Variants in PSPC1 observed in about 807,000 individuals in gnomAD.
PSPC1 encodes the protein paraspeckle component 1.
PSPC1 carries 14 observed loss-of-function variants against 51.6 expected under a neutral mutation model. The observed-to-expected ratio is 0.27, with a 90% confidence interval of 0.18 to 0.42. The LOEUF (loss-of-function observed/expected upper bound fraction) is 0.42. PSPC1 is among the 10% of genes least tolerant of loss of function. PSPC1 has a pLI of 1.00. For synonymous variants in PSPC1, 193 were observed against 231.9 expected (o/e 0.83, Z 1.53); for missense variants, 406 against 701.1 (o/e 0.58, Z 4.75).
At chr13:19,722,257 G>A (rs540436343) in intron 6 of PSPC1, among the ~76,000 whole-genome samples, 1 of 152,054 alleles carries the variant, frequency 6.6e-6, no homozygotes, top group African/African-American at 2.4e-5. Flanking sequence ...AGCACTTTGG[G>A]AGGCAGAGGC....
At chr13:19,723,653 C>A (rs1402699582) in intron 6 of PSPC1, among the ~76,000 whole-genome samples, 3 of 152,080 alleles carry the variant, frequency 2.0e-5, no homozygotes. Flanking sequence ...TACCTTCAAC[C>A]AATTATCCCA....
At chr13:19,780,298 C>T (rs1379024776) in intron 1 of PSPC1, among the ~76,000 whole-genome samples, 5 of 140,246 alleles carry the variant, frequency 3.6e-5, no homozygotes, top group East Asian at 2.3e-4. Context: ...GCCACCACCC[C>T]GTCTGGGAGG....
intron 6 of PSPC1, among the ~76,000 whole-genome samples, chr13:19,690,325 A>T (rs1878404173): frequency 6.6e-6 from 1 of 152,234 alleles, no homozygotes; most frequent in Non-Finnish European, 1.5e-5. Flanking sequence ...TATATGGATA[A>T]TCACATCAAC....
At chr13:19,776,127 T>C (rs1193896640) in intron 1 of PSPC1, among the ~76,000 whole-genome samples, 2 of 152,132 alleles carry the variant, frequency 1.3e-5, no homozygotes, top group Non-Finnish European at 2.9e-5. Context: ...TATATTTTGA[T>C]AGGGGTTTGA....
chr13:19,755,111 G>C (rs1276899859), intron 3 of PSPC1, among the ~76,000 whole-genome samples: 1 of 152,004 alleles, frequency 6.6e-6, no homozygotes, highest in Admixed American at 6.6e-5. Flanking sequence ...GCCCACATCT[G>C]TAGTCCCAGC....
Position 19,782,272 on chromosome 13 carries a change from C to T in PSPC1, c.372+114G>A. 7.1e-7 allele frequency: 1 copy of T among 1,409,380 alleles called. No individual in the cohort carries two copies. The highest frequency in any genetic ancestry group is 9.3e-7 in the Non-Finnish European group (1 of 1,079,192). The allele number at this position is 1,409,380 out of a possible 1,614,324, so 87.3% of individuals were successfully genotyped here. On this transcript the variant is annotated intron_variant, in intron 1 of 8. Coordinates refer to ENST00000338910, the MANE Select transcript of PSPC1 (RefSeq NM_001354909.2). This position sits in a 1 kb window ranked among gnomAD's most constrained non-coding sequence, Gnocchi z 4.5. Reference sequence around the variant, plus strand: ...GAGGAATCGATGAGGCCGAGCGGCGCCACGGTTGCCACAGGTTGAGACAGC... The same window carrying T: ...GAGGAATCGATGAGGCCGAGCGGCGTCACGGTTGCCACAGGTTGAGACAGC...
intron 3 of PSPC1, among the ~76,000 whole-genome samples, chr13:19,757,040 G>C (rs527626163): frequency 6.6e-6 from 1 of 151,490 alleles, no homozygotes; most frequent in South Asian, 2.1e-4. Flanking sequence ...TGAGGCAGGC[G>C]AATTGCTTGA....
chr13:19,749,855 A>G lies in PSPC1; in HGVS notation c.967+1416T>C, dbSNP rs184261902. ...ATAAATGAATTCAATTTTGTTAGAA[A>G]AGTGAACTTATAGAACTACCAAGCT... is the stretch of plus-strand genomic sequence containing the variant. On this transcript the variant is annotated intron_variant, in intron 4 of 8. Transcript: ENST00000338910. 4.6e-3 allele frequency among the ~76,000 whole-genome samples: 705 copies of G among 152,214 alleles called. 5 individuals are homozygous for G. The highest frequency in any genetic ancestry group is 0.027 in the South Asian group (128 of 4,822).
At chr13:19,746,315 T>C (rs1885974387) in intron 4 of PSPC1, among the ~76,000 whole-genome samples, 1 of 151,436 alleles carries the variant, frequency 6.6e-6, no homozygotes, top group Non-Finnish European at 1.5e-5. Flanking sequence ...GGCAGGAGAA[T>C]CACTTGAAAC....
chr13:19,737,775 T>C lies in PSPC1; in HGVS notation c.1052+3790A>G, dbSNP rs185799232. Among the ~76,000 whole-genome samples the C allele has an allele frequency of 4.6e-4, 70 of 152,062 alleles. 1 individual carries two copies. The highest frequency in any genetic ancestry group is 8.7e-4 in the African/African-American group (36 of 41,466). ...TACTGAAGCTTCTAGGGCCTCTCAG[T>C]AGAAAAAGCCATAAAATACAGCATA... On this transcript the variant is annotated intron_variant, in intron 5 of 8. Transcript: ENST00000338910.
At position 19,692,446 on chromosome 13, in the gene PSPC1, G is replaced by A. The variant is rs549608927; in HGVS notation, c.1159-14623C>T. The stretch of plus-strand genomic sequence containing the variant: ...CTTGTTTTAGAATGATGCATTTTGT[G>A]GAGAATAAGTTGCAAGAGCAAAAGT... On this transcript the variant is annotated intron_variant and NMD_transcript_variant, in intron 6 of 7. Coordinates refer to the PSPC1 transcript ENST00000471658. 3.9e-5 allele frequency among the ~76,000 whole-genome samples: 6 copies of A among 152,230 alleles called. No individual in the cohort carries two copies. The South Asian group carries it at 1.2e-3, about 32-fold the overall frequency.
chr13:19,702,199 C>T (rs541038742), downstream of PSPC1, among the ~76,000 whole-genome samples: 15 of 152,230 alleles, frequency 9.9e-5, no homozygotes, highest in Admixed American at 5.9e-4. Context: ...CCATCAGACA[C>T]GTTTTACTGG....
chr13:19,673,426 A>G (rs1876270539), downstream of PSPC1: 2 of 240,060 alleles, frequency 8.3e-6, no homozygotes, highest in Admixed American at 1.0e-4. Context: ...TTTTGTCAAT[A>G]AAACACTATG....
intron 6 of PSPC1, among the ~76,000 whole-genome samples, chr13:19,712,271 C>T (rs184918957): frequency 1.1e-4 from 17 of 152,248 alleles, no homozygotes; most frequent in African/African-American, 3.9e-4. Flanking sequence ...TATCTAACCA[C>T]TAATATAGGG....
chr13:19,724,977 G>A (rs984082936), intron 6 of PSPC1, among the ~76,000 whole-genome samples: 2 of 151,560 alleles, frequency 1.3e-5, no homozygotes, highest in Non-Finnish European at 2.9e-5. Flanking sequence ...CCAGCCTGGC[G>A]AGACAGCAAG....
chr13:19,739,242 A>T (rs1206546482), intron 5 of PSPC1, among the ~76,000 whole-genome samples: 1 of 152,168 alleles, frequency 6.6e-6, no homozygotes, highest in East Asian at 1.9e-4. Context: ...TTCATTTGTA[A>T]GACAATTAGG....
intron 5 of PSPC1, among the ~76,000 whole-genome samples, chr13:19,738,592 T>C (rs1449594846): frequency 6.6e-6 from 1 of 152,170 alleles, no homozygotes; most frequent in Non-Finnish European, 1.5e-5. Flanking sequence ...ATGTAAATAG[T>C]TGTTATACTG....
intron 2 of PSPC1, among the ~76,000 whole-genome samples, chr13:19,761,959 AGAT>A (rs1887637253): frequency 6.6e-6 from 1 of 152,222 alleles, no homozygotes; most frequent in Non-Finnish European, 1.5e-5. Flanking sequence ...TGAACTAAGC[AGAT>A]GATATGTCAT....
chr13:19,718,448 T>A (rs1290476907), intron 6 of PSPC1, among the ~76,000 whole-genome samples: 1 of 152,136 alleles, frequency 6.6e-6, no homozygotes, highest in Non-Finnish European at 1.5e-5. Context: ...CAAAACCTAC[T>A]AGAATGGTGA....
Sources: allele counts gnomAD v4.1 joint callset (sites outside exome capture counted in the v4.1 genomes callset), GRCh38; gene constraint gnomAD v4.1.1; non-coding constraint Gnocchi (gnomAD v3.1); transcripts MANE v1.5; gene names NCBI Gene and HGNC (gene_info 2026-07-23, HGNC 2026-07-21).